The following SYNRG variants were observed in gnomAD, a reference collection of about 807,000 sequenced individuals.
SYNRG encodes AP1 gamma subunit binding protein 1.
SYNRG carries 37 observed loss-of-function variants against 130.9 expected under a neutral mutation model. The observed-to-expected ratio is 0.28, with a 90% CI of 0.22 to 0.37. The LOEUF (loss-of-function observed/expected upper bound fraction) is 0.37. Among genes scored for constraint, SYNRG ranks in the 10% least tolerant of loss-of-function variants. The pLI, the probability that SYNRG is intolerant of heterozygous loss-of-function variation, is 1.00. For missense variants in SYNRG, 1,338 were observed against 1,588.9 expected (o/e 0.84, Z 2.68); for synonymous variants, 539 against 568.1 (o/e 0.95, Z 0.73).
At chr17:37,580,510 T>TGTGTGAGA (rs1384344164) in intron 6 of SYNRG, among the ~76,000 whole-genome samples, 1,518 of 127,676 alleles carry the variant, frequency 0.012, 46 homozygotes, top group African/African-American at 0.049. Flanking sequence ...TGTGTGTGTG[T>TGTGTGAGA]GAGAGAGAGA....
chr17:37,587,657 C>T (rs2061801522), intron 3 of SYNRG, among the ~76,000 whole-genome samples: 1 of 152,238 alleles, frequency 6.6e-6, no homozygotes, highest in African/African-American at 2.4e-5. Flanking sequence ...CAGTTGAACA[C>T]TTCAGACATT....
intron 8 of SYNRG, among the ~76,000 whole-genome samples, chr17:37,572,496 T>G (rs2060509513): frequency 6.6e-6 from 1 of 152,102 alleles, no homozygotes; most frequent in Admixed American, 6.6e-5. Context: ...ATTAAGAGTC[T>G]GAAGTTTGGT....
At chr17:37,591,939 A>G (rs2062228915) in intron 3 of SYNRG, among the ~76,000 whole-genome samples, 1 of 152,204 alleles carries the variant, frequency 6.6e-6, no homozygotes, top group Admixed American at 6.5e-5. Context: ...CATAATAGGA[A>G]AAACTGGTAA....
chr17:37,580,478 C>CGTGTGTGTGTGTGTGTGTGTGTGTGT (rs1341679385), intron 6 of SYNRG, among the ~76,000 whole-genome samples: 12 of 121,996 alleles, frequency 9.8e-5, no homozygotes, highest in Middle Eastern at 3.6e-3. Flanking sequence ...CTTTGTATTT[C>CGTGTGTGTGTGTGTGTGTGTGTGTGT]GTGTGTGTGT....
intron 11 of SYNRG, among the ~76,000 whole-genome samples, chr17:37,563,196 T>G (rs538660857): frequency 6.6e-6 from 1 of 152,224 alleles, no homozygotes; most frequent in African/African-American, 2.4e-5. Flanking sequence ...GCCAGTTACA[T>G]AGTAGTCATC....
At chr17:37,530,036 G>T (rs1331018022) in intron 19 of SYNRG, among the ~76,000 whole-genome samples, 1 of 152,154 alleles carries the variant, frequency 6.6e-6, no homozygotes, top group Non-Finnish European at 1.5e-5. Context: ...GTGCAGAAAA[G>T]AACTCGACTG....
intron 2 of SYNRG, among the ~76,000 whole-genome samples, chr17:37,599,249 G>A (rs1334144140): frequency 6.6e-6 from 1 of 152,218 alleles, no homozygotes; most frequent in Non-Finnish European, 1.5e-5. Context: ...GCGGAAAGAA[G>A]CCAGATGAAG....
intron 2 of SYNRG, among the ~76,000 whole-genome samples, chr17:37,597,375 A>C (rs1318880423): frequency 6.6e-6 from 1 of 152,244 alleles, no homozygotes; most frequent in Non-Finnish European, 1.5e-5. Flanking sequence ...TAAAATGTTT[A>C]CTTTTTAAAG....
At position 37,609,061 on chromosome 17, in the gene SYNRG, T is replaced by C. The variant is rs28550737; in HGVS notation, c.77+218A>G. Among the ~76,000 whole-genome samples the C allele has an allele frequency of 9.3e-3, 1,353 of 145,178 alleles. 22 individuals are homozygous for C. The highest frequency in any genetic ancestry group is 0.032 in the African/African-American group (1,284 of 39,522). On this transcript the variant is annotated intron_variant, in intron 1 of 21. Transcript: ENST00000612223. ...GGCGCGCGCTCGCTCCCCGCTCGAT[T>C]CCAGGCGGCCGGCGCCCCCAACTGA...
intron 14 of SYNRG, among the ~76,000 whole-genome samples, chr17:37,548,577 G>C (rs1598268495): frequency 6.6e-6 from 1 of 152,104 alleles, no homozygotes; most frequent in African/African-American, 2.4e-5. Context: ...CACTACTTTG[G>C]GAGGCCGAGG....
Position 37,553,928 on chromosome 17 carries a change from T to C in SYNRG, c.1795A>G (p.Thr599Ala), listed in dbSNP as rs146892443. The C allele has an allele frequency of 7.1e-5, 115 of 1,611,486 alleles. No homozygotes were observed. The African/African-American group carries it at 1.2e-3, about 17-fold the overall frequency. The change falls in exon 14 of 22, where the codon ACT becomes GCT. Residue 599 changes from threonine (T) to alanine (A), a missense_variant. Physicochemically the swap from Thr to Ala is moderately conservative, Grantham distance 58. This residue lies in a region of SYNRG where 1,146 missense variants were observed against 1,342.3 expected (regional missense o/e 0.85). Transcript: ENST00000612223. ...TGTGTTTGTTGTTTCTGTTGTATAG[T>C]TCCTGAGGGGAAGGATGGTGGAAAA... ...KTFPPSFPSGTIQQKQQTQVK... is the reference protein window; with the variant it reads ...KTFPPSFPSGAIQQKQQTQVK...
At chr17:37,592,169 G>GT (rs1235289329) in intron 3 of SYNRG, among the ~76,000 whole-genome samples, 1 of 152,168 alleles carries the variant, frequency 6.6e-6, no homozygotes, top group Admixed American at 6.5e-5. Context: ...TGAAGAAAAT[G>GT]TAATGATGGT....
intron 11 of SYNRG, among the ~76,000 whole-genome samples, chr17:37,565,897 C>T (rs1327786217): frequency 3.0e-4 from 45 of 147,700 alleles, no homozygotes; most frequent in East Asian, 2.0e-4. Context: ...GCAGCCACCC[C>T]GTCCGGGAGG....
rs753022075 is a variant in SYNRG, at chr17:37,568,856, G to A, written c.1416C>T (p.Asp472=). The A allele has an allele frequency of 1.9e-6, 3 of 1,614,108 alleles. No homozygotes were observed. The highest frequency in any genetic ancestry group is 1.6e-4 in the Middle Eastern group (1 of 6,062). The part of the protein sequence containing the change: ...QDASKSGSLD[D]SFSDFQELPA... Reference sequence around the variant, plus strand: ...GCAACTCTTGGAAATCACTGAATGAGTCATCAAGGGATCCTGACTTAGAAG... The same window carrying A: ...GCAACTCTTGGAAATCACTGAATGAATCATCAAGGGATCCTGACTTAGAAG... The change falls in exon 11 of 22, where the codon GAC becomes GAT. Residue 472 remains aspartate (D), a synonymous_variant. Transcript: ENST00000612223.
chr17:37,580,189 T>C (rs1266080944), intron 6 of SYNRG, among the ~76,000 whole-genome samples: 2 of 152,232 alleles, frequency 1.3e-5, no homozygotes, highest in Non-Finnish European at 2.9e-5. Flanking sequence ...TAAGAAATAA[T>C]GCACAATACA....
chr17:37,574,212 G>C (rs2060639836), intron 8 of SYNRG, among the ~76,000 whole-genome samples: 2 of 151,988 alleles, frequency 1.3e-5, no homozygotes, highest in Admixed American at 1.3e-4. Context: ...ATATGCAGAA[G>C]AATAAAACTA....
chr17:37,580,510 T>TGTGAGAGAGAGA (rs1384344164), intron 6 of SYNRG, among the ~76,000 whole-genome samples: 6 of 127,660 alleles, frequency 4.7e-5, no homozygotes, highest in South Asian at 2.4e-4. Flanking sequence ...TGTGTGTGTG[T>TGTGAGAGAGAGA]GAGAGAGAGA....
intron 19 of SYNRG, among the ~76,000 whole-genome samples, chr17:37,522,362 C>T (rs2055205194): frequency 6.6e-6 from 1 of 152,074 alleles, no homozygotes; most frequent in African/African-American, 2.4e-5. Context: ...TGATTATCTC[C>T]CTATGTTGCC....
At position 37,609,365 on chromosome 17, in the gene SYNRG, G is replaced by T; in HGVS notation, c.-10C>A. ...CTGGCCGCAGCGCCATCTTGCTCCC[G>T]ACCTGCCGCTGCCTTCGCCGCCGCC... On this transcript the variant is annotated 5_prime_UTR_variant, in exon 1 of 22. Transcript: ENST00000612223. 2 of 1,424,022 alleles carry T rather than the reference G, an allele frequency of 1.4e-6. No individual in the cohort carries two copies. Among genetic ancestry groups the T allele is most frequent in the Non-Finnish European group, 1.8e-6 (2 of 1,093,948 alleles). The allele number at this position is 1,424,022 out of a possible 1,614,324, so 88.2% of individuals were successfully genotyped here.
Sources: gnomAD v4.1 joint callset for allele counts (sites outside exome capture counted in the v4.1 genomes callset) on GRCh38, gnomAD v4.1.1 for gene constraint, gnomAD v4.1.1 regional missense constraint, MANE v1.5 for transcripts, NCBI Gene and HGNC (gene_info 2026-07-23, HGNC 2026-07-21) for gene names.